The following GRM1 variants were observed in gnomAD, a reference collection of about 807,000 sequenced individuals.
GRM1 encodes the protein metabotropic glutamate receptor 1.
In GRM1, 33 loss-of-function variants were observed where a neutral mutation model predicts 90.9. The ratio of observed to expected loss-of-function variants is 0.36; its 90% CI spans 0.28 to 0.49. GRM1 has a LOEUF of 0.49. Among genes scored for constraint, GRM1 ranks in the 20% least tolerant of loss-of-function variants. The probability of loss-of-function intolerance (pLI) is 0.99; values close to 1 mark genes in which losing one functional copy is unlikely to be tolerated. For missense variants in GRM1, 1,190 were observed against 1,534.3 expected (o/e 0.78, Z 3.75); for synonymous variants, 700 against 613.2 (o/e 1.14, Z -2.09).
intron 1 of GRM1, among the ~76,000 whole-genome samples, chr6:146,135,776 C>T (rs1776595199): frequency 6.6e-6 from 1 of 152,100 alleles, no homozygotes. Context: ...AGCATTTACC[C>T]TTCATGTTAC....
intron 1 of GRM1, among the ~76,000 whole-genome samples, chr6:146,145,844 C>G (rs1293619255): frequency 6.6e-6 from 1 of 152,074 alleles, no homozygotes; most frequent in Non-Finnish European, 1.5e-5. Flanking sequence ...GTGTGCAGTG[C>G]CAGTCTGGGA....
chr6:146,293,975 G>GT (rs141516397), intron 2 of GRM1, among the ~76,000 whole-genome samples: 14,391 of 151,268 alleles, frequency 0.095, 1,814 homozygotes, highest in African/African-American at 0.28. Context: ...GCTAAATATT[G>GT]TTTTTTTGTG....
At chr6:146,047,374 AT>A (rs1295393602) in intron 1 of GRM1, among the ~76,000 whole-genome samples, 1 of 151,972 alleles carries the variant, frequency 6.6e-6, no homozygotes, top group Non-Finnish European at 1.5e-5. Flanking sequence ...GAAAAACATC[AT>A]TAATCATACA....
chr6:146,391,220 T>C (rs1055285510), intron 6 of GRM1, among the ~76,000 whole-genome samples: 3 of 152,030 alleles, frequency 2.0e-5, no homozygotes, highest in African/African-American at 7.2e-5. Context: ...CTTATAAGGA[T>C]CTTATAAGTA....
At chr6:146,350,919 C>T (rs747453773) in intron 3 of GRM1, among the ~76,000 whole-genome samples, 3 of 152,168 alleles carry the variant, frequency 2.0e-5, no homozygotes, top group Non-Finnish European at 4.4e-5. Flanking sequence ...TCCCCTTTAA[C>T]CTAGCCTGGG....
intron 7 of GRM1, among the ~76,000 whole-genome samples, chr6:146,406,228 A>G (rs1777342923): frequency 6.6e-6 from 1 of 152,200 alleles, no homozygotes; most frequent in Non-Finnish European, 1.5e-5. Flanking sequence ...ATGGAGAACT[A>G]TGACAATGAA....
intron 3 of GRM1, among the ~76,000 whole-genome samples, chr6:146,328,140 T>C (rs1220074356): frequency 2.6e-5 from 4 of 152,226 alleles, no homozygotes; most frequent in African/African-American, 9.6e-5. Flanking sequence ...ACCTTTTCTA[T>C]GCATTTCTAA....
intron 2 of GRM1, among the ~76,000 whole-genome samples, chr6:146,182,815 C>A (rs915245434): frequency 3.3e-5 from 5 of 152,016 alleles, no homozygotes; most frequent in African/African-American, 1.2e-4. Context: ...TGAATAGAGA[C>A]ACTAGCCAAA....
At chr6:146,354,204 T>C (rs1251318792) in intron 4 of GRM1, among the ~76,000 whole-genome samples, 1 of 152,184 alleles carries the variant, frequency 6.6e-6, no homozygotes, top group Non-Finnish European at 1.5e-5. Context: ...GTGAGGTAGA[T>C]GGAATGATTC....
intron 5 of GRM1, among the ~76,000 whole-genome samples, chr6:146,376,820 G>T (rs539978940): frequency 2.7e-4 from 41 of 152,252 alleles, no homozygotes; most frequent in African/African-American, 9.1e-4. Flanking sequence ...ACACCCAAAT[G>T]TCAAATCGTA....
chr6:146,158,411 G>C (rs80237204), intron 1 of GRM1, among the ~76,000 whole-genome samples: 1 of 152,250 alleles, frequency 6.6e-6, no homozygotes, highest in African/African-American at 2.4e-5. Flanking sequence ...AGGTAGCAGA[G>C]ATGGATGTTT....
At chr6:146,217,814 A>G (rs1020296269) in intron 2 of GRM1, among the ~76,000 whole-genome samples, 8 of 150,500 alleles carry the variant, frequency 5.3e-5, no homozygotes, top group African/African-American at 2.0e-4. Flanking sequence ...CATCAAGAAT[A>G]GAGGAATATT....
chr6:146,345,411 G>C (rs571429733), intron 3 of GRM1, among the ~76,000 whole-genome samples: 1 of 152,228 alleles, frequency 6.6e-6, no homozygotes, highest in South Asian at 2.1e-4. Context: ...GTTTTGTTTT[G>C]TAATAAGCAA....
Position 146,117,879 on chromosome 6 carries a change from A to T in GRM1, c.701-41469A>T, listed in dbSNP as rs544895603. Among the ~76,000 whole-genome samples the T allele has an allele frequency of 1.5e-4, 23 of 152,140 alleles. No homozygotes were observed. In the South Asian group the frequency reaches 4.4e-3, roughly 29 times the overall value. On this transcript the variant is annotated intron_variant, in intron 1 of 7. Coordinates refer to ENST00000282753, the MANE Select transcript of GRM1 (RefSeq NM_001278064.2). ...TGATTGTCATTCTTTTACATTATAG[A>T]TATTTTACTTTGACTATTATTTTAA...
intron 1 of GRM1, among the ~76,000 whole-genome samples, chr6:146,048,290 C>G (rs1791406173): frequency 6.6e-6 from 1 of 151,894 alleles, no homozygotes; most frequent in Non-Finnish European, 1.5e-5. Context: ...CTTCATGTTT[C>G]TCTAGGAAGG....
At chr6:146,159,137 C>T (rs1382388173) in intron 1 of GRM1, among the ~76,000 whole-genome samples, 1 of 152,174 alleles carries the variant, frequency 6.6e-6, no homozygotes, top group African/African-American at 2.4e-5. Flanking sequence ...TAGCTCAGAT[C>T]GTCTCTCGTT....
At chr6:146,426,512 G>T (rs1334524907) in intron 7 of GRM1, 9 of 1,568,984 alleles carry the variant, frequency 5.7e-6, no homozygotes, top group Non-Finnish European at 7.8e-6. Flanking sequence ...CTGTACACAT[G>T]TATAACCCCC....
intron 7 of GRM1, among the ~76,000 whole-genome samples, chr6:146,407,858 C>T (rs554011962): frequency 2.0e-5 from 3 of 152,114 alleles, no homozygotes; most frequent in African/African-American, 7.2e-5. Flanking sequence ...CCAAAAAATT[C>T]ATGGTATAAC....
At chr6:146,227,119 T>C (rs1273672568) in intron 2 of GRM1, among the ~76,000 whole-genome samples, 2 of 152,136 alleles carry the variant, frequency 1.3e-5, no homozygotes, top group East Asian at 1.9e-4. Context: ...CAATTTTATA[T>C]AAAACTATTG....
Sources: allele counts gnomAD v4.1 joint callset (sites outside exome capture counted in the v4.1 genomes callset), GRCh38; gene constraint gnomAD v4.1.1; transcripts MANE v1.5; gene names NCBI Gene and HGNC (gene_info 2026-07-23, HGNC 2026-07-21).